The following ERC1 variants were observed in gnomAD, a reference collection of about 807,000 sequenced individuals.
ERC1 encodes RAB6 interacting protein 2.
A neutral mutation model predicts 132.0 loss-of-function variants in ERC1; 56 were observed. The observed-to-expected ratio is 0.42, with a 90% confidence interval of 0.34 to 0.53. ERC1 has a LOEUF of 0.53. ERC1 is among the 20% of genes least tolerant of loss of function. ERC1 has a pLI of 0.03. For missense variants in ERC1, 1,202 were observed against 1,349.9 expected, an observed-to-expected ratio of 0.89 and a Z score of 1.72; for synonymous variants, 478 against 476.1, an observed-to-expected ratio of 1.00 and a Z score of -0.05.
In ERC1 at chr12:1,416,955, T is replaced by G. The variant is rs866442868; in HGVS notation, c.3024+8708T>G. Among the ~76,000 whole-genome samples, 16 of 152,262 alleles carry G rather than the reference T, an allele frequency of 1.1e-4. 1 individual carries two copies. In the South Asian group the frequency reaches 2.3e-3, roughly 22 times the overall value. On this transcript the variant is annotated intron_variant, in intron 17 of 18. Transcript: ENST00000360905. The stretch of plus-strand genomic sequence containing the variant: ...TTCCTGCTTTTATCGTTCCCCTCCC[T>G]TCTTCACTTTCTCTGTCTTCCTCTT...
intron 16 of ERC1, among the ~76,000 whole-genome samples, chr12:1,401,112 T>G (rs1381289888): frequency 6.6e-6 from 1 of 150,640 alleles, no homozygotes; most frequent in African/African-American, 2.5e-5. Context: ...ATTTTTTGTA[T>G]TTTTAGTAGA....
At chr12:1,264,754 G>A (rs1013236274) in intron 14 of ERC1, among the ~76,000 whole-genome samples, 1 of 152,132 alleles carries the variant, frequency 6.6e-6, no homozygotes, top group African/African-American at 2.4e-5. Flanking sequence ...TTTCTTTGTG[G>A]GAGAAATATA....
intron 18 of ERC1, among the ~76,000 whole-genome samples, chr12:1,484,675 T>G (rs1448528015): frequency 6.6e-6 from 1 of 150,510 alleles, no homozygotes; most frequent in Non-Finnish European, 1.5e-5. Flanking sequence ...CCTCCCGGGC[T>G]CAAGCAATTC....
chr12:1,437,145 A>G (rs927813377), intron 17 of ERC1, among the ~76,000 whole-genome samples: 6 of 152,160 alleles, frequency 3.9e-5, no homozygotes, highest in African/African-American at 1.4e-4. Flanking sequence ...TGCTCCTGGA[A>G]TTTCTGAGTG....
Position 1,371,850 on chromosome 12 carries a change from CT to C in ERC1, c.2799del (p.Ala934ProfsTer9), listed in dbSNP as rs1311069292. On this transcript the variant is annotated frameshift_variant, in exon 16 of 19. Coordinates refer to ENST00000360905, the MANE Select transcript of ERC1 (RefSeq NM_178040.4). LOFTEE classifies it high-confidence loss of function. ...VLEMKQEALL[A>X]AISEKDANIA... ...TTTTGCAGGCAAGAAGCTCTTCTGGCTGCCATTAGTGAAAAAGACGCCAATA... is the reference window on the plus strand; with the variant it reads ...TTTTGCAGGCAAGAAGCTCTTCTGGCGCCATTAGTGAAAAAGACGCCAATA... 1 of 1,613,584 alleles carries C rather than the reference CT, an allele frequency of 6.2e-7. No homozygotes were observed. The highest frequency in any genetic ancestry group is 8.5e-7 in the Non-Finnish European group (1 of 1,179,948).
chr12:1,418,589 C>CTCTTTCTT (rs71055147), intron 17 of ERC1, among the ~76,000 whole-genome samples: 8 of 106,966 alleles, frequency 7.5e-5, no homozygotes, highest in Admixed American at 1.8e-4. Flanking sequence ...TTCTTTCTTT[C>CTCTTTCTT]TCTTTCTTTC....
At chr12:1,084,639 T>C (rs1942712079) in intron 3 of ERC1, among the ~76,000 whole-genome samples, 1 of 151,882 alleles carries the variant, frequency 6.6e-6, no homozygotes, top group Non-Finnish European at 1.5e-5. Context: ...TACCTAGTAG[T>C]AATTATTAAC....
intron 8 of ERC1, among the ~76,000 whole-genome samples, chr12:1,153,665 C>G (rs1365408045): frequency 1.3e-5 from 2 of 152,210 alleles, no homozygotes; most frequent in Non-Finnish European, 2.9e-5. Context: ...AATGCATGAA[C>G]TCGGAGAAGG....
At chr12:1,257,241 A>C (rs1174122138) in intron 13 of ERC1, 1 of 152,244 alleles carries the variant, frequency 6.6e-6, no homozygotes, top group East Asian at 1.9e-4. Context: ...CAGCCATGTA[A>C]GTGGAAGCAA....
chr12:1,266,223 C>T (rs2077468005), intron 14 of ERC1, among the ~76,000 whole-genome samples: 1 of 151,974 alleles, frequency 6.6e-6, no homozygotes, highest in South Asian at 2.1e-4. Context: ...CTACTCACTG[C>T]CTATCTGAAG....
chr12:1,227,588 C>T (rs1460768287), intron 12 of ERC1, among the ~76,000 whole-genome samples: 1 of 152,026 alleles, frequency 6.6e-6, no homozygotes, highest in Non-Finnish European at 1.5e-5. Flanking sequence ...GCATTTTTTC[C>T]CATTCTTTAA....
At chr12:1,316,816 A>G (rs2154352353) in intron 15 of ERC1, among the ~76,000 whole-genome samples, 1 of 152,348 alleles carries the variant, frequency 6.6e-6, no homozygotes, top group East Asian at 1.9e-4. Flanking sequence ...CACAATAGCA[A>G]AGACTTGGAA....
At chr12:1,249,567 A>C (rs997894348) in intron 13 of ERC1, among the ~76,000 whole-genome samples, 10 of 152,084 alleles carry the variant, frequency 6.6e-5, no homozygotes, top group African/African-American at 2.4e-4. Context: ...TGCATACTTG[A>C]GCTTGGGGAC....
intron 8 of ERC1, among the ~76,000 whole-genome samples, chr12:1,171,555 A>G (rs1177949410): frequency 6.6e-6 from 1 of 152,158 alleles, no homozygotes; most frequent in Non-Finnish European, 1.5e-5. Flanking sequence ...TATTTCTGCC[A>G]TCAATACTGA....
chr12:1,161,385 G>A (rs1169406597), intron 8 of ERC1, among the ~76,000 whole-genome samples: 2 of 152,150 alleles, frequency 1.3e-5, no homozygotes, highest in Non-Finnish European at 2.9e-5. Context: ...TTTCCACCGT[G>A]TCATGCCCTG....
At chr12:1,118,257 G>A (rs1254089622) in intron 7 of ERC1, among the ~76,000 whole-genome samples, 1 of 152,302 alleles carries the variant, frequency 6.6e-6, no homozygotes, top group South Asian at 2.1e-4. Context: ...GTACAAACCA[G>A]AGAACCAAGC....
chr12:1,384,029 C>G (rs1034241202), intron 16 of ERC1, among the ~76,000 whole-genome samples: 3 of 152,198 alleles, frequency 2.0e-5, no homozygotes, highest in Non-Finnish European at 2.9e-5. Context: ...AGAGCTGACA[C>G]TCCTGATCAC....
intron 8 of ERC1, among the ~76,000 whole-genome samples, chr12:1,162,545 A>G (rs1222755424): frequency 6.6e-6 from 1 of 150,618 alleles, no homozygotes; most frequent in African/African-American, 2.4e-5. Context: ...TTTGGGTAGG[A>G]GGTCAGAAAG....
At chr12:1,400,916 A>ATTATTATTATTTTTTTTTTTTTT (rs2090981093) in intron 16 of ERC1, among the ~76,000 whole-genome samples, 2 of 15,040 alleles carry the variant, frequency 1.3e-4, no homozygotes, top group African/African-American at 6.2e-4. Flanking sequence ...CTATTTTTGT[A>ATTATTATTATTTTTTTTTTTTTT]TTTTTTTTTT....
Sources: gnomAD v4.1 joint callset for allele counts (sites outside exome capture counted in the v4.1 genomes callset) on GRCh38, gnomAD v4.1.1 for gene constraint, MANE v1.5 for transcripts, NCBI Gene and HGNC (gene_info 2026-07-23, HGNC 2026-07-21) for gene names.